SLC24A3: variants seen among roughly 807,000 people sequenced by gnomAD.
SLC24A3 encodes sodium/potassium/calcium exchanger 3.
Under a neutral mutation model 75.8 loss-of-function variants are expected in SLC24A3, and 28 were observed. That is an observed-to-expected ratio of 0.37 (90% CI 0.27 to 0.51). The LOEUF (loss-of-function observed/expected upper bound fraction) is 0.51. Ranked by LOEUF, SLC24A3 falls within the 20% of genes least tolerant of loss-of-function variation. The pLI is 0.94. For missense variants in SLC24A3, 663 were observed against 847.8 expected (o/e 0.78, Z 2.71); for synonymous variants, 372 against 334.1 (o/e 1.11, Z -1.24).
At chr20:19,346,749 T>C (rs1384727321) in intron 2 of SLC24A3, among the ~76,000 whole-genome samples, 2 of 152,062 alleles carry the variant, frequency 1.3e-5, no homozygotes, top group African/African-American at 4.8e-5. Context: ...TGTACACTGC[T>C]CGGGTGATGG....
chr20:19,434,626 C>CT (rs1987164085), intron 2 of SLC24A3, among the ~76,000 whole-genome samples: 1 of 152,198 alleles, frequency 6.6e-6, no homozygotes, highest in Non-Finnish European at 1.5e-5. Flanking sequence ...CTACCATTCT[C>CT]TTTTTTTCTC....
At chr20:19,402,425 A>G (rs2122406643) in intron 2 of SLC24A3, among the ~76,000 whole-genome samples, 1 of 152,306 alleles carries the variant, frequency 6.6e-6, no homozygotes. Context: ...TCTCAGAAGG[A>G]CAGAAATGAT....
intron 15 of SLC24A3, among the ~76,000 whole-genome samples, chr20:19,706,281 A>T (rs918980752): frequency 4.6e-5 from 7 of 152,210 alleles, no homozygotes; most frequent in Non-Finnish European, 1.0e-4. Flanking sequence ...TAAGCAAGAC[A>T]GTCAGAGGCC....
intron 2 of SLC24A3, among the ~76,000 whole-genome samples, chr20:19,361,863 T>G: frequency 1.3e-5 from 2 of 152,316 alleles, no homozygotes; most frequent in Non-Finnish European, 2.9e-5. Context: ...ATCTTAAAAT[T>G]TTCCTAATAA....
chr20:19,464,907 G>C (rs1204786765), intron 2 of SLC24A3, among the ~76,000 whole-genome samples: 2 of 152,198 alleles, frequency 1.3e-5, no homozygotes, highest in Admixed American at 6.5e-5. Context: ...CAGTTGGCAG[G>C]ATACTGCAGG....
At chr20:19,276,650 A>ACTGTGGTGGC (rs1983496273) in intron 1 of SLC24A3, among the ~76,000 whole-genome samples, 1 of 152,186 alleles carries the variant, frequency 6.6e-6, no homozygotes, top group Non-Finnish European at 1.5e-5. Context: ...CGTGCGTATA[A>ACTGTGGTGGC]TCCCAGCACT....
At chr20:19,584,926 G>A in intron 4 of SLC24A3, 45 bp from the exon 5 acceptor site, 1 of 1,568,914 alleles carries the variant, frequency 6.4e-7, no homozygotes, top group Non-Finnish European at 8.7e-7. Context: ...TCTCTTCCGA[G>A]ATGGAATCCC....
chr20:19,344,229 T>G (rs1361953040), intron 2 of SLC24A3, among the ~76,000 whole-genome samples: 1 of 152,152 alleles, frequency 6.6e-6, no homozygotes, highest in African/African-American at 2.4e-5. Context: ...TTACTTTCCT[T>G]GATTTTTTAC....
chr20:19,314,352 C>T (rs1255906169), intron 2 of SLC24A3, among the ~76,000 whole-genome samples: 5 of 134,462 alleles, frequency 3.7e-5, no homozygotes, highest in South Asian at 2.3e-4. Flanking sequence ...CTCAGTCCAC[C>T]ACCCAGGCTG....
chr20:19,222,518 A>T (rs1038886763), intron 1 of SLC24A3, among the ~76,000 whole-genome samples: 4 of 152,132 alleles, frequency 2.6e-5, no homozygotes, highest in African/African-American at 7.2e-5. Context: ...CCAGAGAAAG[A>T]TCACTCAGCA....
intron 10 of SLC24A3, among the ~76,000 whole-genome samples, chr20:19,682,340 C>T (rs1254799402): frequency 6.6e-6 from 1 of 152,198 alleles, no homozygotes; most frequent in Non-Finnish European, 1.5e-5. Context: ...CCCATCTGCC[C>T]ACTCTCATAG....
At chr20:19,302,492 A>G (rs1246993099) in intron 2 of SLC24A3, among the ~76,000 whole-genome samples, 9 of 152,240 alleles carry the variant, frequency 5.9e-5, no homozygotes, top group Non-Finnish European at 2.9e-5. Flanking sequence ...TAACATTTTT[A>G]TATTTGCTTC....
At chr20:19,710,301 A>G (rs2032974586) in intron 15 of SLC24A3, among the ~76,000 whole-genome samples, 2 of 152,214 alleles carry the variant, frequency 1.3e-5, no homozygotes, top group Non-Finnish European at 2.9e-5. Flanking sequence ...CAAAGGTAAT[A>G]GGGTTCAAAG....
intron 2 of SLC24A3, among the ~76,000 whole-genome samples, chr20:19,419,028 G>A (rs1425227939): frequency 6.6e-6 from 1 of 152,202 alleles, no homozygotes; most frequent in Non-Finnish European, 1.5e-5. Context: ...TCATTATTTT[G>A]AAAGCTGATA....
At chr20:19,565,703 C>T (rs888240525) in intron 3 of SLC24A3, among the ~76,000 whole-genome samples, 1 of 152,084 alleles carries the variant, frequency 6.6e-6, no homozygotes, top group Admixed American at 6.6e-5. Flanking sequence ...AGCCAATTTC[C>T]CTCTCACACT....
At chr20:19,473,492 T>C (rs898519873) in intron 2 of SLC24A3, among the ~76,000 whole-genome samples, 8 of 152,254 alleles carry the variant, frequency 5.3e-5, no homozygotes, top group African/African-American at 1.4e-4. Flanking sequence ...GAGCACTTAC[T>C]GGAACTACGT....
chr20:19,322,101 TCTGA>T (rs1193727166), intron 2 of SLC24A3, among the ~76,000 whole-genome samples: 2 of 152,140 alleles, frequency 1.3e-5, no homozygotes, highest in African/African-American at 4.8e-5. Flanking sequence ...ATTTGTTAAC[TCTGA>T]CTGCTTGGTT....
intron 2 of SLC24A3, among the ~76,000 whole-genome samples, chr20:19,411,342 C>T (rs766655141): frequency 9.2e-5 from 14 of 152,130 alleles, no homozygotes; most frequent in Admixed American, 4.6e-4. Flanking sequence ...GGGACAATGA[C>T]GTGGACTTTA....
intron 16 of SLC24A3, among the ~76,000 whole-genome samples, chr20:19,719,579 G>A (rs1392544637): frequency 1.3e-5 from 2 of 151,784 alleles, no homozygotes; most frequent in Non-Finnish European, 2.9e-5. Flanking sequence ...AAGGGGAGAG[G>A]TGTGAAGTAG....
Sources: gnomAD v4.1 joint callset for allele counts (sites outside exome capture counted in the v4.1 genomes callset) on GRCh38, gnomAD v4.1.1 for gene constraint, MANE v1.5 for transcripts, NCBI Gene and HGNC (gene_info 2026-07-23, HGNC 2026-07-21) for gene names.